The following ARHGAP6 variants were observed in gnomAD, a reference collection of about 807,000 sequenced individuals.
ARHGAP6 encodes the protein Rho GTPase activating protein 6, also known as rho GTPase-activating protein 6.
Under a neutral mutation model 55.7 loss-of-function variants are expected in ARHGAP6, and 16 were observed. The observed-to-expected ratio is 0.29, with a 90% CI of 0.19 to 0.44. ARHGAP6 has a LOEUF of 0.44. Ranked by LOEUF, ARHGAP6 falls within the 20% of genes least tolerant of loss-of-function variation. The pLI is 1.00. For synonymous variants in ARHGAP6, 382 were observed against 360.9 expected, an observed-to-expected ratio of 1.06 and a Z score of -0.66; for missense variants, 698 against 808.9, an observed-to-expected ratio of 0.86 and a Z score of 1.66.
At chrX:11,420,289 T>C (rs2049804725) in intron 1 of ARHGAP6, among the ~76,000 whole-genome samples, 1 of 111,789 alleles carries the variant, frequency 8.9e-6, no homozygotes, top group Non-Finnish European at 1.9e-5. Context: ...TATTTAAGAA[T>C]AAAATAAATC....
At chrX:11,589,579 G>A (rs943663905) in intron 1 of ARHGAP6, among the ~76,000 whole-genome samples, 5 of 109,162 alleles carry the variant, frequency 4.6e-5, no homozygotes, top group Non-Finnish European at 9.5e-5. Context: ...AGCTCTTCTT[G>A]TTTTCTATAA....
intron 1 of ARHGAP6, among the ~76,000 whole-genome samples, chrX:11,493,744 C>A (rs1218406208): frequency 9.0e-6 from 1 of 110,689 alleles, no homozygotes; most frequent in African/African-American, 3.3e-5. Context: ...AAGACCTGGG[C>A]TCTACATTCA....
chrX:11,275,614 C>A (rs1437944546), intron 1 of ARHGAP6, among the ~76,000 whole-genome samples: 1 of 111,698 alleles, frequency 9.0e-6, no homozygotes, highest in African/African-American at 3.3e-5. Context: ...CATCTTGTCC[C>A]TTCCCTTTTG....
At chrX:11,211,033 T>G (rs143195056) in intron 2 of ARHGAP6, among the ~76,000 whole-genome samples, 291 of 111,824 alleles carry the variant, frequency 2.6e-3, no homozygotes, top group Middle Eastern at 0.014. Context: ...TTGAAAATGT[T>G]AAAAGTCTAT....
At chrX:11,629,535 T>C (rs999349322) in intron 1 of ARHGAP6, among the ~76,000 whole-genome samples, 1 of 110,658 alleles carries the variant, frequency 9.0e-6, no homozygotes, top group African/African-American at 3.3e-5. Flanking sequence ...ATTATGAATA[T>C]AAATATTATA....
intron 1 of ARHGAP6, among the ~76,000 whole-genome samples, chrX:11,275,877 C>G (rs1458484018): frequency 1.8e-5 from 2 of 111,700 alleles, no homozygotes; most frequent in Non-Finnish European, 3.8e-5. Flanking sequence ...ATCACCTCCT[C>G]TGAGAAGCCC....
rs537448281 is a variant in ARHGAP6 at position 11,433,059 on chromosome X, T to C, written c.589-178352A>G. ...GTTCTCATTCCTTTTTCCAGGTAAG[T>C]TTAAGGAGACAACCCCCAGCCTGAA... On this transcript the variant is annotated intron_variant, in intron 1 of 12. Coordinates refer to ENST00000337414, the MANE Select transcript of ARHGAP6 (RefSeq NM_013427.3). Among the ~76,000 whole-genome samples the C allele has an allele frequency of 1.6e-4, 18 of 112,174 alleles. No individual in the cohort carries two copies. In the South Asian group the frequency reaches 5.6e-3, roughly 35 times the overall value.
At chrX:11,234,212 T>TC (rs2047169666) in intron 2 of ARHGAP6, among the ~76,000 whole-genome samples, 1 of 112,350 alleles carries the variant, frequency 8.9e-6, no homozygotes, top group African/African-American at 3.2e-5. Context: ...TTCTGTAGGA[T>TC]CCTGCGTGGG....
chrX:11,251,740 G>C (rs1602961167), intron 2 of ARHGAP6, among the ~76,000 whole-genome samples: 1 of 111,682 alleles, frequency 9.0e-6, no homozygotes. Context: ...ACCCTGTTGA[G>C]AACCTCCATT....
At chrX:11,509,794 G>GTT (rs2050767357) in intron 1 of ARHGAP6, among the ~76,000 whole-genome samples, 1 of 111,873 alleles carries the variant, frequency 8.9e-6, no homozygotes, top group African/African-American at 3.2e-5. Flanking sequence ...TCAACAAATG[G>GTT]TGAGTGGAAG....
chrX:11,214,784 A>G (rs1007896562), intron 2 of ARHGAP6, among the ~76,000 whole-genome samples: 1 of 113,052 alleles, frequency 8.8e-6, no homozygotes, highest in African/African-American at 3.2e-5. Context: ...CTCTCAAGAG[A>G]ACCGAGGACC....
chrX:11,339,168 G>A (rs2048674242), intron 1 of ARHGAP6, among the ~76,000 whole-genome samples: 1 of 112,300 alleles, frequency 8.9e-6, no homozygotes, highest in Admixed American at 9.4e-5. Flanking sequence ...ACAAATATTT[G>A]CTGAAGGAAT....
At chrX:11,502,599 C>T (rs1475764702) in intron 1 of ARHGAP6, among the ~76,000 whole-genome samples, 1 of 112,018 alleles carries the variant, frequency 8.9e-6, no homozygotes, top group East Asian at 2.8e-4. Context: ...GCAAGACCAA[C>T]CCCTCCTCGA....
At chrX:11,637,976 AATG>A (rs2052436304) in intron 1 of ARHGAP6, among the ~76,000 whole-genome samples, 1 of 111,499 alleles carries the variant, frequency 9.0e-6, no homozygotes, top group Non-Finnish European at 1.9e-5. Flanking sequence ...AAGCTGAAAG[AATG>A]ATGATTTTTC....
At chrX:11,637,973 A>C (rs1370935489) in intron 1 of ARHGAP6, among the ~76,000 whole-genome samples, 1 of 111,502 alleles carries the variant, frequency 9.0e-6, no homozygotes, top group African/African-American at 3.2e-5. Flanking sequence ...TCAAAGCTGA[A>C]AGAATGATGA....
At chrX:11,293,779 A>G (rs2048034492) in intron 1 of ARHGAP6, among the ~76,000 whole-genome samples, 1 of 112,311 alleles carries the variant, frequency 8.9e-6, no homozygotes, top group Non-Finnish European at 1.9e-5. Flanking sequence ...CTACTTTGAA[A>G]AGCTTTTTAT....
At chrX:11,254,498 C>A in intron 2 of ARHGAP6, 50 bp downstream of exon 2, 1 of 1,178,657 alleles carries the variant, frequency 8.5e-7, no homozygotes, top group Non-Finnish European at 1.1e-6. Context: ...TTGGCAGAGC[C>A]AATATTTGAC....
At chrX:11,545,955 C>T (rs752814471) in intron 1 of ARHGAP6, among the ~76,000 whole-genome samples, 12 of 110,888 alleles carry the variant, frequency 1.1e-4, no homozygotes, top group African/African-American at 3.0e-4. Flanking sequence ...TATGCAAGAA[C>T]GGAGCCGCTG....
intron 1 of ARHGAP6, among the ~76,000 whole-genome samples, chrX:11,659,429 T>G (rs948740089): frequency 9.4e-5 from 10 of 106,749 alleles, no homozygotes; most frequent in African/African-American, 3.3e-4. Flanking sequence ...CTTGTGGGGC[T>G]GTGCACTGCA....
Sources: gnomAD v4.1 joint callset for allele counts (sites outside exome capture counted in the v4.1 genomes callset) on GRCh38, gnomAD v4.1.1 for gene constraint, MANE v1.5 for transcripts, NCBI Gene and HGNC (gene_info 2026-07-23, HGNC 2026-07-21) for gene names.